The following BOD1L1 variants were observed in gnomAD, a reference collection of about 807,000 sequenced individuals.
The protein encoded by BOD1L1 is biorientation of chromosomes in cell division protein 1-like 1.
A neutral mutation model predicts 240.7 loss-of-function variants in BOD1L1; 86 were observed. The ratio of observed to expected loss-of-function variants is 0.36; its 90% CI spans 0.30 to 0.43. BOD1L1 has a LOEUF of 0.43. BOD1L1 is among the 20% of genes least tolerant of loss of function. The pLI is 1.00. For synonymous variants in BOD1L1, 1,268 were observed against 1,272.3 expected (o/e 1.00, Z 0.07); for missense variants, 3,554 against 3,643.5 (o/e 0.98, Z 0.63).
chr4:13,600,907 G>C lies in BOD1L1; in HGVS notation c.5993C>G (p.Thr1998Ser). 2 of 1,613,998 alleles carry C rather than the reference G, an allele frequency of 1.2e-6. No homozygotes were observed. The highest frequency in any genetic ancestry group is 1.7e-6 in the Non-Finnish European group (2 of 1,179,892). Residue 1998 changes from threonine to serine, a missense_variant, in exon 10 of 26, where the codon ACT (threonine) becomes AGT (serine). Physicochemically the swap from Thr to Ser is moderately conservative, Grantham distance 58. Coordinates refer to ENST00000040738, the MANE Select transcript of BOD1L1 (RefSeq NM_148894.3). ...ACCCCCGACCAGGCCAGTGGAAATA[G>C]TGGTATCTTCAACTTTTTCGAGCTG... is the stretch of plus-strand genomic sequence containing the variant. ...DSQLEKVEDTTISTGLVGGSY... is the reference protein window; with the variant it reads ...DSQLEKVEDTSISTGLVGGSY...
Position 13,585,781 on chromosome 4 carries a change from G to C in BOD1L1, c.8433+615C>G, listed in dbSNP as rs1478220586. 3.9e-5 allele frequency among the ~76,000 whole-genome samples: 6 copies of C among 152,296 alleles called. No individual in the cohort carries two copies. In the East Asian group the frequency reaches 9.6e-4, roughly 24 times the overall value. On this transcript the variant is annotated intron_variant, in intron 17 of 25. Transcript: ENST00000040738. ...TGTCCTGTGCTGTTCTCCTGACAGTGAATAAGTCTCCTGAGATCTAATGCT... is the reference window on the plus strand; with the variant it reads ...TGTCCTGTGCTGTTCTCCTGACAGTCAATAAGTCTCCTGAGATCTAATGCT...
intron 21 of BOD1L1, 81 bp from the exon 22 acceptor site, chr4:13,580,054 A>T (rs1026902840): frequency 3.9e-6 from 4 of 1,015,452 alleles, no homozygotes; most frequent in African/African-American, 1.6e-5. Context: ...CAATGATGTA[A>T]AGGTGGTATA....
At chr4:13,580,075 T>C (rs1713103349) in intron 21 of BOD1L1, 102 bp from the exon 22 acceptor site, 1 of 817,562 alleles carries the variant, frequency 1.2e-6, no homozygotes, top group Admixed American at 2.4e-5. Context: ...GGATCTTTAT[T>C]TACATAGGCG....
Position 13,610,971 on chromosome 4 carries a change from T to G in BOD1L1, c.1454A>C (p.Asp485Ala), listed in dbSNP as rs1716113677. 2 of 1,611,068 alleles carry G rather than the reference T, an allele frequency of 1.2e-6. No individual in the cohort carries two copies. Among genetic ancestry groups the G allele is most frequent in the Non-Finnish European group, 1.7e-6 (2 of 1,178,994 alleles). The change falls in exon 6 of 26, where the codon GAT becomes GCT. Residue 485 changes from aspartate (D) to alanine (A), a missense_variant. Asp to Ala is a moderately radical substitution (Grantham distance 126). Transcript: ENST00000040738. ...YLYSKYYSDSDDELTVEQRRQ... is the reference protein window; with the variant it reads ...YLYSKYYSDSADELTVEQRRQ... ...TCGTTGTTCTACAGTAAGCTCATCATCAGAATCACTATAGTATTTTGAGTA... is the reference window on the plus strand; with the variant it reads ...TCGTTGTTCTACAGTAAGCTCATCAGCAGAATCACTATAGTATTTTGAGTA...
chr4:13,604,085 G>A lies in BOD1L1; in HGVS notation c.2815C>T (p.Pro939Ser). Residue 939 changes from proline (P) to serine (S), a missense_variant, in exon 10 of 26, where the codon CCA (proline) becomes TCA (serine). This residue lies in a region of BOD1L1 where 3,393 missense variants were observed against 3,427.1 expected (regional missense o/e 0.99). Transcript: ENST00000040738. ...GTGTTCTTCTCCTTGTCTGGTTTTG[G>A]AGTGGTTGCCTGTTTTGTGGCACCT... ...QEGATKQATT[P>S]KPDKEKNTEE... 1.2e-6 allele frequency: 2 copies of A among 1,613,676 alleles called. No homozygotes were observed. Among genetic ancestry groups the A allele is most frequent in the Non-Finnish European group, 1.7e-6 (2 of 1,179,874 alleles).
intron 1 of BOD1L1, among the ~76,000 whole-genome samples, chr4:13,622,232 A>T (rs545471684): frequency 2.0e-5 from 3 of 152,262 alleles, no homozygotes; most frequent in East Asian, 3.9e-4. Context: ...CGGTATTCCC[A>T]AATCTAACAC....
In BOD1L1 at chr4:13,611,009, G is replaced by T. The variant is rs767913982; in HGVS notation, c.1416C>A (p.His472Gln). ...AGTATTTTGAGTAAAGATATGGTTTGTGGACATACGCATGCCGTACACTTT... is the reference window on the plus strand; with the variant it reads ...AGTATTTTGAGTAAAGATATGGTTTTTGGACATACGCATGCCGTACACTTT... ...KTKSVRHAYV[H>Q]KPYLYSKYYS... The change falls in exon 6 of 26, where the codon CAC becomes CAA. Residue 472 changes from histidine (H) to glutamine (Q), a missense_variant. Physicochemically the swap from His to Gln is conservative, Grantham distance 24 (BLOSUM62 0). Around this residue, in one of 2 missense-constraint regions of BOD1L1, gnomAD observed 3,393 missense variants for 3,427.1 expected, o/e 0.99. Transcript: ENST00000040738. 1 of 1,612,308 alleles carries T rather than the reference G, an allele frequency of 6.2e-7. No homozygotes were observed. Among genetic ancestry groups the T allele is most frequent in the Admixed American group, 1.7e-5 (1 of 59,856 alleles).
chr4:13,627,532 G>GGCT lies in BOD1L1; in HGVS notation c.55_56insAGC (p.Pro18_Pro19insGln), dbSNP rs1320208719. ...CGGCGGTGGCTGCGGCTGCGGCTGC[G>GGCT]GCGGGGGAGGCGGCGGCGCCGGAGG... On this transcript the variant is annotated inframe_insertion, in exon 1 of 26. Coordinates refer to ENST00000040738, the MANE Select transcript of BOD1L1 (RefSeq NM_148894.3). 17 of 1,110,586 alleles carry GGCT rather than the reference G, an allele frequency of 1.5e-5. No homozygotes were observed. The highest frequency in any genetic ancestry group is 1.9e-5 in the Non-Finnish European group (17 of 910,354). 68.8% of individuals were successfully genotyped at this position (1,110,586 alleles called of 1,614,324 possible). A position where few individuals can be genotyped will look rare whatever the true frequency, so the allele number is the denominator to read the frequency against.
Position 13,627,711 on chromosome 4 carries a change from A to G in BOD1L1, c.-124T>C, listed in dbSNP as rs1290748570. ...GTTGTTACGGAACCAGCGGATCCAG[A>G]GCAACCCCGGAAGTGAAAGGGAACT... is the stretch of plus-strand genomic sequence containing the variant. On this transcript the variant is annotated 5_prime_UTR_variant, in exon 1 of 26. Transcript: ENST00000040738. 21 of 878,712 alleles carry G rather than the reference A, an allele frequency of 2.4e-5. No individual in the cohort carries two copies. The highest frequency in any genetic ancestry group is 4.1e-6 in the Non-Finnish European group (3 of 726,912). The allele number at this position is 878,712 out of a possible 1,614,324, so 54.4% of individuals were successfully genotyped here.
At position 13,601,295 on chromosome 4, in the gene BOD1L1, C is replaced by T. The variant is rs1360198402; in HGVS notation, c.5605G>A (p.Asp1869Asn). ...CCTCTTCCAGTACTAGTCACAACAT[C>T]CTCCCCTTCCTCGTCTTCCTCTTTT... ...GAKEEDEEGEDVVTSTGRGNE... is the reference protein window; with the variant it reads ...GAKEEDEEGENVVTSTGRGNE... Residue 1869 changes from aspartate to asparagine, a missense_variant, in exon 10 of 26, where the codon GAT (aspartate) becomes AAT (asparagine). By Grantham distance (23) the Asp-to-Asn change is conservative. Transcript: ENST00000040738. 1 of 1,613,984 alleles carries T rather than the reference C, an allele frequency of 6.2e-7. No individual in the cohort carries two copies. Among genetic ancestry groups the T allele is most frequent in the Non-Finnish European group, 8.5e-7 (1 of 1,179,898 alleles).
Position 13,603,604 on chromosome 4 carries a change from C to T in BOD1L1, c.3296G>A (p.Gly1099Asp), listed in dbSNP as rs949087853. 1 of 1,613,820 alleles carries T rather than the reference C, an allele frequency of 6.2e-7. No individual in the cohort carries two copies. Among genetic ancestry groups the T allele is most frequent in the African/African-American group, 1.3e-5 (1 of 74,910 alleles). Reference sequence around the variant, plus strand: ...CTTTTTTGGTCTCTGAAGGGAGGAACCGCTGGGAGTGCTCAAAGTGTTTGC... The same window carrying T: ...CTTTTTTGGTCTCTGAAGGGAGGAATCGCTGGGAGTGCTCAAAGTGTTTGC... ...LAANTLSTPS[G>D]SSLQRPKKSG... Residue 1099 changes from glycine (G) to aspartate (D), a missense_variant, in exon 10 of 26, where the codon GGT (glycine) becomes GAT (aspartate). By Grantham distance (94) the Gly-to-Asp change is moderately conservative. Coordinates refer to ENST00000040738, the MANE Select transcript of BOD1L1 (RefSeq NM_148894.3).
At chr4:13,618,556 C>T (rs1038238345) in intron 2 of BOD1L1, among the ~76,000 whole-genome samples, 6 of 152,210 alleles carry the variant, frequency 3.9e-5, no homozygotes, top group Non-Finnish European at 1.5e-5. Flanking sequence ...ATGCAGCCTT[C>T]TAATGGCATC....
Position 13,608,582 on chromosome 4 carries a change from T to C in BOD1L1, c.1690A>G (p.Lys564Glu). The C allele has an allele frequency of 6.5e-7, 1 of 1,549,464 alleles. No individual in the cohort carries two copies. The highest frequency in any genetic ancestry group is 8.7e-7 in the Non-Finnish European group (1 of 1,149,830). Residue 564 changes from lysine to glutamate, a missense_variant, in exon 8 of 26, where the codon AAA becomes GAA. Lys to Glu is a moderately conservative substitution (Grantham distance 56). Coordinates refer to ENST00000040738, the MANE Select transcript of BOD1L1 (RefSeq NM_148894.3). Reference sequence around the variant, plus strand: ...AAGGCTACTTTTTTTTCTAAAACTTTCCGTTCTTTAAGGACTTCTTTAATT... The same window carrying C: ...AAGGCTACTTTTTTTTCTAAAACTTCCCGTTCTTTAAGGACTTCTTTAATT... ...ARIKEVLKER[K>E]VLEKKVALSK...
intron 1 of BOD1L1, among the ~76,000 whole-genome samples, chr4:13,626,899 T>C (rs1481408059): frequency 6.6e-6 from 1 of 152,192 alleles, no homozygotes; most frequent in Admixed American, 6.5e-5. Flanking sequence ...ACCCCCACGA[T>C]GTCCAGCAAA....
chr4:13,580,846 T>C (rs1481909790), intron 21 of BOD1L1, among the ~76,000 whole-genome samples, 174 bp downstream of exon 21: 1 of 152,176 alleles, frequency 6.6e-6, no homozygotes, highest in Non-Finnish European at 1.5e-5. Context: ...GAAGAACAAC[T>C]AATGTAACTC....
At position 13,599,254 on chromosome 4, in the gene BOD1L1, T is replaced by C. The variant is rs138671336; in HGVS notation, c.7646A>G (p.His2549Arg). ...MPPVQGTVAE[H>R]SFLPAEQQGS... The stretch of plus-strand genomic sequence containing the variant: ...CTGCTGCTCAGCAGGAAGAAAGGAA[T>C]GCTCAGCCACGGTCCCTTGAACAGG... Residue 2549 changes from histidine to arginine, a missense_variant, in exon 10 of 26, where the codon CAT (histidine) becomes CGT (arginine). By Grantham distance (29) the His-to-Arg change is conservative. Transcript: ENST00000040738. 37 of 1,613,724 alleles carry C rather than the reference T, an allele frequency of 2.3e-5. No individual in the cohort carries two copies. The African/African-American group carries it at 4.1e-4, about 18-fold the overall frequency.
chr4:13,626,657 T>G (rs1373657369), intron 1 of BOD1L1, among the ~76,000 whole-genome samples: 1 of 152,222 alleles, frequency 6.6e-6, no homozygotes, highest in Admixed American at 6.5e-5. Context: ...TTCCCTTCTC[T>G]ACATTACTCT....
rs763166477 is a variant in BOD1L1, at chr4:13,600,604, A to C, written c.6296T>G (p.Leu2099Arg). The C allele has an allele frequency of 6.2e-7, 1 of 1,613,738 alleles. No homozygotes were observed. The highest frequency in any genetic ancestry group is 2.2e-5 in the East Asian group (1 of 44,838). The change falls in exon 10 of 26, where the codon CTG (leucine) becomes CGG (arginine). Residue 2099 changes from leucine (L) to arginine (R), a missense_variant. Transcript: ENST00000040738. ...ACCTTCCATATTTTCTTCAGTTCTC[A>C]GAGCATCTGAGAGACCTCCTTCCAC... ...TDVEGGLSDALRTEENMEGTR... is the reference protein window; with the variant it reads ...TDVEGGLSDARRTEENMEGTR...
rs1328636287 is a variant in BOD1L1 at position 13,627,505 on chromosome 4, GGCGGCGGTGGCT to G, written c.71_82del (p.Gln24_Pro27del). On this transcript the variant is annotated inframe_deletion, in exon 1 of 26. Transcript: ENST00000040738. ...GGGGCCAGCCCCGGGGCCCGGCGGC[GGCGGCGGTGGCT>G]GCGGCTGCGGCTGCGGCGGGGGAGG... 10 of 1,015,206 alleles carry G rather than the reference GGCGGCGGTGGCT, an allele frequency of 9.9e-6. No homozygotes were observed. Among genetic ancestry groups the G allele is most frequent in the South Asian group, 4.5e-5 (1 of 22,346 alleles). 62.9% of individuals were successfully genotyped at this position (1,015,206 alleles called of 1,614,324 possible).
Sources: allele counts gnomAD v4.1 joint callset (sites outside exome capture counted in the v4.1 genomes callset), GRCh38; gene constraint gnomAD v4.1.1; regional missense constraint gnomAD v4.1.1; transcripts MANE v1.5; gene names NCBI Gene and HGNC (gene_info 2026-07-23, HGNC 2026-07-21).